NREP: variants seen among roughly 807,000 people sequenced by gnomAD.
The protein encoded by NREP is neuronal regeneration related protein.
NREP carries 5 observed loss-of-function variants against 8.6 expected under a neutral mutation model. The observed-to-expected ratio is 0.58, with a 90% confidence interval of 0.30 to 1.22. The LOEUF (loss-of-function observed/expected upper bound fraction) is 1.22, where lower values mean the gene tolerates loss of function less well. Among genes scored for constraint, NREP ranks in the 50% most tolerant of loss-of-function variants. The pLI is 0.07. For synonymous variants in NREP, 27 were observed against 28.0 expected (o/e 0.96, Z 0.11); for missense variants, 86 against 82.5 (o/e 1.04, Z -0.17).
intron 2 of NREP, among the ~76,000 whole-genome samples, chr5:111,877,996 A>G (rs1011933199): frequency 6.6e-6 from 1 of 152,232 alleles, no homozygotes; most frequent in African/African-American, 2.4e-5. Flanking sequence ...TATTGAAGCA[A>G]GGAGGACAGT....
chr5:111,930,135 G>A (rs1253610802), intron 2 of NREP, among the ~76,000 whole-genome samples: 2 of 152,156 alleles, frequency 1.3e-5, no homozygotes, highest in African/African-American at 4.8e-5. Context: ...CTAGGCCTAT[G>A]GCCCTCAATT....
At chr5:111,946,038 G>A (rs941503410) in intron 2 of NREP, among the ~76,000 whole-genome samples, 71 of 150,922 alleles carry the variant, frequency 4.7e-4, no homozygotes, top group African/African-American at 1.7e-3. Context: ...AATGGACTAA[G>A]AGTGGAAAAG....
intron 2 of NREP, among the ~76,000 whole-genome samples, chr5:111,856,024 C>A (rs377525682): frequency 1.3e-5 from 2 of 152,166 alleles, no homozygotes; most frequent in African/African-American, 2.4e-5. Context: ...ACTTGCTGGG[C>A]ACCAGCTGGA....
chr5:111,866,632 A>G (rs1342267965), intron 2 of NREP, among the ~76,000 whole-genome samples: 1 of 152,200 alleles, frequency 6.6e-6, no homozygotes, highest in African/African-American at 2.4e-5. Context: ...TGACCCAGCC[A>G]TCCCATTACT....
intron 1 of NREP, chr5:111,756,368 T>G: frequency 1.8e-6 from 1 of 540,664 alleles, no homozygotes; most frequent in Non-Finnish European, 2.4e-6. Context: ...TCTGTCCTTC[T>G]CCCTAAACCA....
intron 2 of NREP, among the ~76,000 whole-genome samples, chr5:111,753,685 T>C (rs1270697688): frequency 3.3e-5 from 5 of 152,142 alleles, no homozygotes; most frequent in Admixed American, 3.3e-4. Context: ...GCCATGCTTA[T>C]GTATTTTCTA....
intron 2 of NREP, among the ~76,000 whole-genome samples, chr5:111,861,286 GCC>G (rs1561697705): frequency 6.6e-6 from 1 of 152,148 alleles, no homozygotes; most frequent in Non-Finnish European, 1.5e-5. Context: ...AGCAGTGGCT[GCC>G]CAGGTCTTTG....
chr5:111,901,343 G>A (rs75085016), intron 2 of NREP, among the ~76,000 whole-genome samples: 1 of 152,054 alleles, frequency 6.6e-6, no homozygotes, highest in Non-Finnish European at 1.5e-5. Context: ...AAAGGAAGCT[G>A]ATATATGACA....
intron 2 of NREP, among the ~76,000 whole-genome samples, chr5:111,915,306 C>G (rs918456231): frequency 1.3e-5 from 2 of 151,916 alleles, no homozygotes; most frequent in Non-Finnish European, 2.9e-5. Context: ...TGCCTGAAAT[C>G]ACACCTTACT....
intron 2 of NREP, among the ~76,000 whole-genome samples, chr5:111,970,099 T>C (rs1756767813): frequency 6.6e-6 from 1 of 152,214 alleles, no homozygotes; most frequent in African/African-American, 2.4e-5. Flanking sequence ...AGATCTCTTT[T>C]CTAGGTTGTG....
chr5:111,895,937 G>A (rs1754499715), intron 2 of NREP, among the ~76,000 whole-genome samples: 1 of 152,122 alleles, frequency 6.6e-6, no homozygotes, highest in African/African-American at 2.4e-5. Context: ...GTCTGAAAAC[G>A]ATTGATAAGA....
At chr5:111,796,849 A>C (rs1475598435) in intron 2 of NREP, among the ~76,000 whole-genome samples, 1 of 152,186 alleles carries the variant, frequency 6.6e-6, no homozygotes. Context: ...AGACAATGTT[A>C]CCTTGCATGA....
intron 2 of NREP, among the ~76,000 whole-genome samples, chr5:111,922,644 T>C (rs994077544): frequency 6.6e-6 from 1 of 152,134 alleles, no homozygotes; most frequent in Non-Finnish European, 1.5e-5. Context: ...TTTTAGTAGG[T>C]TCTCCTCTGA....
chr5:111,918,516 T>C (rs1451971088), intron 2 of NREP, among the ~76,000 whole-genome samples: 3 of 152,104 alleles, frequency 2.0e-5, no homozygotes, highest in Non-Finnish European at 4.4e-5. Flanking sequence ...GACAGATACA[T>C]AGACCAATGG....
rs541430333 is a variant in NREP, at chr5:111,883,096, G to A, written c.135+92178C>T. Among the ~76,000 whole-genome samples the A allele has an allele frequency of 2.5e-3, 388 of 152,326 alleles. 3 individuals carry two copies. The highest frequency in any genetic ancestry group is 9.0e-3 in the African/African-American group (374 of 41,560). On this transcript the variant is annotated intron_variant, in intron 2 of 3. Transcript: ENST00000395634. ...TCAGGAAAGCCATCTCACGTGCAGAGACACACATAGGCTCCAAATAAAAGG... is the reference window on the plus strand; with the variant it reads ...TCAGGAAAGCCATCTCACGTGCAGAAACACACATAGGCTCCAAATAAAAGG...
chr5:111,884,080 G>A (rs141334074), intron 2 of NREP, among the ~76,000 whole-genome samples: 3,041 of 152,192 alleles, frequency 0.02, 41 homozygotes, highest in Non-Finnish European at 0.031. Flanking sequence ...CCACTAGGAA[G>A]ACCAATAAAG....
intron 2 of NREP, among the ~76,000 whole-genome samples, chr5:111,966,239 AT>A (rs1756640981): frequency 6.6e-6 from 1 of 152,228 alleles, no homozygotes; most frequent in Non-Finnish European, 1.5e-5. Context: ...GAAATTAGCC[AT>A]TATCAAGAGA....
chr5:111,837,756 T>C (rs78073330), intron 2 of NREP, among the ~76,000 whole-genome samples: 229 of 152,158 alleles, frequency 1.5e-3, no homozygotes, highest in African/African-American at 5.3e-3. Context: ...ATTAGGTGAA[T>C]TGTTGATGAA....
chr5:111,787,950 T>G (rs751083678), intron 2 of NREP, among the ~76,000 whole-genome samples: 1 of 151,970 alleles, frequency 6.6e-6, no homozygotes, highest in African/African-American at 2.4e-5. Flanking sequence ...TAAAAAGAAT[T>G]AGCTGGCCAG....
Sources: allele counts gnomAD v4.1 joint callset (sites outside exome capture counted in the v4.1 genomes callset), GRCh38; gene constraint gnomAD v4.1.1; transcripts MANE v1.5; gene names NCBI Gene and HGNC (gene_info 2026-07-23, HGNC 2026-07-21).